The following XIRP2 variants were observed in gnomAD, a reference collection of about 807,000 sequenced individuals.
The protein encoded by XIRP2 is xin actin binding repeat containing 2.
In XIRP2, 236 loss-of-function variants were observed where a neutral mutation model predicts 277.0. That is an observed-to-expected ratio of 0.85 (90% confidence interval 0.77 to 0.95). XIRP2 has a LOEUF of 0.95. XIRP2 is among the 40% of genes least tolerant of loss of function. XIRP2 has a pLI of 0.00. For synonymous variants in XIRP2, 1,490 were observed against 1,416.5 expected (o/e 1.05, Z -1.17); for missense variants, 4,640 against 4,157.5 (o/e 1.12, Z -3.19).
intron 2 of XIRP2, among the ~76,000 whole-genome samples, chr2:167,073,864 T>C (rs1689497348): frequency 6.6e-6 from 1 of 152,176 alleles, no homozygotes; most frequent in African/African-American, 2.4e-5. Flanking sequence ...TGTCTGAGAT[T>C]TGGAACCTCA....
Position 167,250,956 on chromosome 2 carries a change from C to A in XIRP2, c.9564C>A (p.Thr3188=). The A allele has an allele frequency of 6.2e-7, 1 of 1,613,482 alleles. No individual in the cohort carries two copies. Among genetic ancestry groups the A allele is most frequent in the Middle Eastern group, 1.7e-4 (1 of 6,056 alleles). Residue 3188 remains threonine, a synonymous_variant, in exon 9 of 11, where the codon ACC becomes ACA. Transcript: ENST00000409195. ...AACAACTTGTCAGACTCAAAGACACCACTGCAAAGTTATCCAAAGGGGCCA... is the reference window on the plus strand; with the variant it reads ...AACAACTTGTCAGACTCAAAGACACAACTGCAAAGTTATCCAAAGGGGCCA... The part of the protein sequence containing the change: ...RSEQLVRLKD[T]TAKLSKGAIP...
At chr2:167,203,586 C>T (rs912111743) in intron 3 of XIRP2, among the ~76,000 whole-genome samples, 38 of 152,028 alleles carry the variant, frequency 2.5e-4, no homozygotes. Context: ...TATTCCCTCG[C>T]CCTTCTTCTC....
intron 2 of XIRP2, among the ~76,000 whole-genome samples, chr2:167,128,967 G>T (rs1041451572): frequency 2.6e-5 from 4 of 152,156 alleles, no homozygotes; most frequent in Non-Finnish European, 5.9e-5. Flanking sequence ...AGAATATAAT[G>T]ATTGAAGGGG....
chr2:166,948,228 GAT>G (rs911411786), intron 2 of XIRP2, among the ~76,000 whole-genome samples: 1 of 152,078 alleles, frequency 6.6e-6, no homozygotes, highest in Non-Finnish European at 1.5e-5. Context: ...GTGTGATTAT[GAT>G]ATGTTAATGT....
At chr2:167,185,945 G>A (rs896568516) in intron 3 of XIRP2, among the ~76,000 whole-genome samples, 1 of 152,124 alleles carries the variant, frequency 6.6e-6, no homozygotes, top group Non-Finnish European at 1.5e-5. Context: ...AGGTCACAGA[G>A]TATATTACTG....
chr2:167,155,943 T>C (rs1374069218), intron 3 of XIRP2, among the ~76,000 whole-genome samples: 1 of 150,160 alleles, frequency 6.7e-6, no homozygotes, highest in African/African-American at 2.5e-5. Context: ...AGCATTCTTA[T>C]ACACCAATAA....
At chr2:167,165,605 T>C (rs1294983830) in intron 3 of XIRP2, among the ~76,000 whole-genome samples, 1 of 152,234 alleles carries the variant, frequency 6.6e-6, no homozygotes, top group Non-Finnish European at 1.5e-5. Context: ...ATGTGGAGCC[T>C]CTTTTTAAGT....
chr2:167,027,391 A>G (rs1369987119), intron 2 of XIRP2, among the ~76,000 whole-genome samples: 1 of 151,990 alleles, frequency 6.6e-6, no homozygotes, highest in Non-Finnish European at 1.5e-5. Context: ...TGGCTATTCT[A>G]GTTATCCATT....
chr2:167,026,903 G>T (rs553912779), intron 2 of XIRP2, among the ~76,000 whole-genome samples: 26 of 152,048 alleles, frequency 1.7e-4, no homozygotes, highest in African/African-American at 6.0e-4. Context: ...TCCCTTTGTG[G>T]GTAACCCGAC....
At position 167,244,190 on chromosome 2, in the gene XIRP2, G is replaced by A. The variant is rs367958362; in HGVS notation, c.2798G>A (p.Arg933Gln). Reference sequence around the variant, plus strand: ...AGAAAAGATAAAAAGGAGTACACACGAACAGTGAAACTTGAAGAAGTTGAC... The same window carrying A: ...AGAAAAGATAAAAAGGAGTACACACAAACAGTGAAACTTGAAGAAGTTGAC... ...DIRKDKKEYT[R>Q]TVKLEEVDRG... The change falls in exon 9 of 11, where the codon CGA (arginine) becomes CAA (glutamine). Residue 933 changes from arginine (R) to glutamine (Q), a missense_variant. Coordinates refer to ENST00000409195, the MANE Select transcript of XIRP2 (RefSeq NM_152381.6). 40 of 1,613,342 alleles carry A rather than the reference G, an allele frequency of 2.5e-5. No homozygotes were observed. In the Middle Eastern group the frequency reaches 4.9e-4, roughly 20 times the overall value.
rs989917652 is a variant in XIRP2 at position 166,909,984 on chromosome 2, CT to C, written c.408+6099del. 2.1e-4 allele frequency among the ~76,000 whole-genome samples: 32 copies of C among 152,308 alleles called. 1 individual carries two copies. Among genetic ancestry groups the C allele is most frequent in the African/African-American group, 7.5e-4 (31 of 41,558 alleles). On this transcript the variant is annotated intron_variant, in intron 2 of 10. Coordinates refer to ENST00000409195, the MANE Select transcript of XIRP2 (RefSeq NM_152381.6). ...AGCCCACTTGATCATGGTGGATAAGCTTTTTGATGTGCTGCTGGATTCGGTT... is the reference window on the plus strand; with the variant it reads ...AGCCCACTTGATCATGGTGGATAAGCTTTTGATGTGCTGCTGGATTCGGTT...
At chr2:167,062,790 T>G (rs1288276833) in intron 2 of XIRP2, among the ~76,000 whole-genome samples, 1 of 152,070 alleles carries the variant, frequency 6.6e-6, no homozygotes, top group African/African-American at 2.4e-5. Flanking sequence ...GGAATGATAC[T>G]TCTCTTTCAT....
At chr2:167,070,830 C>G (rs1342844435) in intron 2 of XIRP2, among the ~76,000 whole-genome samples, 1 of 151,996 alleles carries the variant, frequency 6.6e-6, no homozygotes, top group Non-Finnish European at 1.5e-5. Context: ...CATCTTGACA[C>G]CCTTTTGTTA....
chr2:167,003,781 A>G (rs140426208), intron 2 of XIRP2, among the ~76,000 whole-genome samples: 8 of 152,070 alleles, frequency 5.3e-5, no homozygotes, highest in African/African-American at 1.9e-4. Flanking sequence ...TATTCATGCC[A>G]ATAACTCCAG....
At chr2:167,180,683 A>G (rs568762644) in intron 3 of XIRP2, among the ~76,000 whole-genome samples, 14 of 152,216 alleles carry the variant, frequency 9.2e-5, no homozygotes, top group Non-Finnish European at 1.9e-4. Flanking sequence ...GGAATAAACT[A>G]ATAAACTTGA....
intron 2 of XIRP2, among the ~76,000 whole-genome samples, chr2:167,017,531 T>G (rs1423002148): frequency 1.3e-5 from 2 of 151,954 alleles, no homozygotes; most frequent in Non-Finnish European, 2.9e-5. Flanking sequence ...CATCCATATT[T>G]TTGTAGTTCA....
At chr2:166,942,572 T>G (rs933530740) in intron 2 of XIRP2, among the ~76,000 whole-genome samples, 1 of 152,196 alleles carries the variant, frequency 6.6e-6, no homozygotes, top group African/African-American at 2.4e-5. Flanking sequence ...ATAAAAAATA[T>G]TGTGCAATCA....
At chr2:167,025,399 A>C (rs561717830) in intron 2 of XIRP2, among the ~76,000 whole-genome samples, 1 of 152,054 alleles carries the variant, frequency 6.6e-6, no homozygotes, top group African/African-American at 2.4e-5. Context: ...TCTTTTCAAA[A>C]AACCAGCTGC....
At chr2:166,947,155 TTA>T (rs776549731) in intron 2 of XIRP2, among the ~76,000 whole-genome samples, 1 of 152,182 alleles carries the variant, frequency 6.6e-6, no homozygotes, top group African/African-American at 2.4e-5. Context: ...CAATACTGCA[TTA>T]TGTTTTCAAA....
Sources: allele counts gnomAD v4.1 joint callset (sites outside exome capture counted in the v4.1 genomes callset), GRCh38; gene constraint gnomAD v4.1.1; transcripts MANE v1.5; gene names NCBI Gene and HGNC (gene_info 2026-07-23, HGNC 2026-07-21).